NEXMIF: variants seen among roughly 807,000 people sequenced by gnomAD.
NEXMIF encodes neurite extension and migration factor, also known as XLMR protein related to neurite extension.
In NEXMIF, 8 loss-of-function variants were observed where a neutral mutation model predicts 62.1. The observed-to-expected ratio is 0.13, with a 90% confidence interval of 0.08 to 0.23. The LOEUF (loss-of-function observed/expected upper bound fraction) is 0.23. NEXMIF is among the 10% of genes least tolerant of loss of function. NEXMIF has a pLI of 1.00. For missense variants in NEXMIF, 976 were observed against 1,113.3 expected, an observed-to-expected ratio of 0.88 and a Z score of 1.75; for synonymous variants, 404 against 416.6, an observed-to-expected ratio of 0.97 and a Z score of 0.37.
intron 1 of NEXMIF, among the ~76,000 whole-genome samples, chrX:74,801,783 C>A (rs1351503053): frequency 8.9e-6 from 1 of 112,463 alleles, no homozygotes; most frequent in Non-Finnish European, 1.9e-5. Context: ...CAGGCTCTGG[C>A]TCTTGGATGA....
At chrX:74,868,749 C>A (rs2080589619) in intron 1 of NEXMIF, among the ~76,000 whole-genome samples, 1 of 110,118 alleles carries the variant, frequency 9.1e-6, no homozygotes, top group Admixed American at 9.8e-5. Context: ...TAACAAACCT[C>A]CCATCCTTCA....
At chrX:74,843,502 C>T (rs976759206) in intron 1 of NEXMIF, among the ~76,000 whole-genome samples, 1 of 109,334 alleles carries the variant, frequency 9.1e-6, no homozygotes, top group African/African-American at 3.3e-5. Flanking sequence ...GCAACCTCCA[C>T]CTCCCAGGTT....
At chrX:74,893,453 G>A (rs1338764400) in intron 1 of NEXMIF, among the ~76,000 whole-genome samples, 3 of 111,930 alleles carry the variant, frequency 2.7e-5, no homozygotes, top group Non-Finnish European at 5.6e-5. Context: ...GATGAGGGAG[G>A]TAAGTCCTGT....
chrX:74,796,411 G>A (rs2080312273), intron 1 of NEXMIF, among the ~76,000 whole-genome samples: 1 of 100,590 alleles, frequency 9.9e-6, no homozygotes, highest in Non-Finnish European at 2.0e-5. Context: ...CACTGAGAAA[G>A]TCTGGAAGCA....
intron 1 of NEXMIF, among the ~76,000 whole-genome samples, chrX:74,901,203 G>A (rs1036307620): frequency 7.1e-5 from 8 of 112,052 alleles, no homozygotes; most frequent in Non-Finnish European, 1.1e-4. Flanking sequence ...AAAATATAAA[G>A]AATGGGCTTT....
intron 1 of NEXMIF, among the ~76,000 whole-genome samples, chrX:74,839,157 T>A (rs1338341588): frequency 2.7e-5 from 3 of 112,053 alleles, no homozygotes; most frequent in African/African-American, 9.7e-5. Flanking sequence ...CATTCTGCCT[T>A]CCATTGTTCC....
At chrX:74,918,424 T>C (rs758347754) in intron 1 of NEXMIF, among the ~76,000 whole-genome samples, 8 of 112,108 alleles carry the variant, frequency 7.1e-5, no homozygotes, top group Non-Finnish European at 1.3e-4. Context: ...AGCAATTTGC[T>C]GAGATCTAGT....
At chrX:74,825,023 G>A (rs892999992) in intron 1 of NEXMIF, among the ~76,000 whole-genome samples, 1 of 110,618 alleles carries the variant, frequency 9.0e-6, no homozygotes, top group Non-Finnish European at 1.9e-5. Flanking sequence ...AGTATACAAG[G>A]GTTCTCTTTT....
chrX:74,888,316 A>G (rs1231034785), intron 1 of NEXMIF, among the ~76,000 whole-genome samples: 2 of 107,414 alleles, frequency 1.9e-5, no homozygotes, highest in Non-Finnish European at 3.9e-5. Flanking sequence ...CAAACAAAAA[A>G]AAAAAGAAAA....
chrX:74,789,441 G>C (rs2147462981), intron 1 of NEXMIF, among the ~76,000 whole-genome samples: 1 of 109,590 alleles, frequency 9.1e-6, no homozygotes, highest in African/African-American at 3.3e-5. Context: ...ACATATGTGT[G>C]CATGTGTCTT....
chrX:74,775,029 T>C (rs1362442063), intron 1 of NEXMIF, among the ~76,000 whole-genome samples: 1 of 111,873 alleles, frequency 8.9e-6, no homozygotes, highest in African/African-American at 3.2e-5. Context: ...TTCTGGCCCC[T>C]GTTAAAATAT....
intron 1 of NEXMIF, among the ~76,000 whole-genome samples, chrX:74,885,645 G>A (rs887191442): frequency 5.4e-5 from 6 of 111,632 alleles, no homozygotes; most frequent in Non-Finnish European, 3.8e-5. Flanking sequence ...TGAAATTGTG[G>A]CAATAATTAA....
intron 1 of NEXMIF, among the ~76,000 whole-genome samples, chrX:74,858,102 A>G (rs1295374193): frequency 8.9e-6 from 1 of 112,171 alleles, no homozygotes; most frequent in Non-Finnish European, 1.9e-5. Flanking sequence ...GCTGCCCTGA[A>G]GGGAAGAACA....
chrX:74,747,683 C>T (rs2080129899), intron 1 of NEXMIF, among the ~76,000 whole-genome samples: 3 of 109,571 alleles, frequency 2.7e-5, no homozygotes, highest in Admixed American at 1.9e-4. Context: ...TTCCATCACC[C>T]AGGTGGAGGG....
intron 1 of NEXMIF, among the ~76,000 whole-genome samples, chrX:74,841,842 G>C (rs901010798): frequency 9.0e-6 from 1 of 111,560 alleles, no homozygotes; most frequent in African/African-American, 3.3e-5. Context: ...GGTTGATCAT[G>C]GTGAATTAGC....
chrX:74,794,597 A>T (rs1276760387), intron 1 of NEXMIF, among the ~76,000 whole-genome samples: 2 of 110,966 alleles, frequency 1.8e-5, no homozygotes, highest in Admixed American at 9.5e-5. Flanking sequence ...TTGCAGTTTG[A>T]TCTCGGACTG....
chrX:74,846,541 T>A (rs1386110811), intron 1 of NEXMIF, among the ~76,000 whole-genome samples: 1 of 112,217 alleles, frequency 8.9e-6, no homozygotes. Context: ...CATATGAGAA[T>A]GACAGAAGAA....
At chrX:74,751,556 C>T (rs1283909181) in intron 1 of NEXMIF, among the ~76,000 whole-genome samples, 4 of 104,350 alleles carry the variant, frequency 3.8e-5, no homozygotes, top group Non-Finnish European at 7.9e-5. Flanking sequence ...GGCATGATCT[C>T]GGCTCACTGC....
intron 1 of NEXMIF, among the ~76,000 whole-genome samples, chrX:74,755,653 A>C (rs1211351855): frequency 8.9e-6 from 1 of 112,055 alleles, no homozygotes; most frequent in East Asian, 2.8e-4. Context: ...GCTTTCACTA[A>C]GTACACAACT....
Sources: allele counts gnomAD v4.1 joint callset (sites outside exome capture counted in the v4.1 genomes callset), GRCh38; gene constraint gnomAD v4.1.1; transcripts MANE v1.5; gene names NCBI Gene and HGNC (gene_info 2026-07-23, HGNC 2026-07-21).